The following C4orf50 variants were observed in gnomAD, a reference collection of about 807,000 sequenced individuals.
The protein encoded by C4orf50 is uncharacterized protein C4orf50.
C4orf50 carries 80 observed loss-of-function variants against 77.2 expected under a neutral mutation model. That is an observed-to-expected ratio of 1.04 (90% CI 0.87 to 1.25). The LOEUF is 1.25. C4orf50 is among the 50% of genes most tolerant of loss of function. The pLI, the probability that C4orf50 is intolerant of heterozygous loss-of-function variation, is 0.00. For missense variants in C4orf50, 1,257 were observed against 1,152.9 expected, an observed-to-expected ratio of 1.09 and a Z score of -1.31; for synonymous variants, 532 against 465.3, an observed-to-expected ratio of 1.14 and a Z score of -1.84.
At position 5,905,107 on chromosome 4, in the gene C4orf50, G is replaced by A. The variant is rs981828418; in HGVS notation, c.*2475-6919C>T. 2.6e-5 allele frequency: 4 copies of A among 152,232 alleles called. No individual in the cohort carries two copies. Among genetic ancestry groups the A allele is most frequent in the Non-Finnish European group, 5.9e-5 (4 of 68,054 alleles). The allele number at this position is 152,232 out of a possible 1,614,324, so 9.4% of individuals were successfully genotyped here. On this transcript the variant is annotated intron_variant, in intron 7 of 7. Coordinates refer to the C4orf50 transcript ENST00000324058. This position sits in a 1 kb window ranked among gnomAD's most constrained non-coding sequence, Gnocchi z 5.4. ...ATATGACCCTCAAACAGACGAAGAA[G>A]AGGATGTTGGAAGAAGGTAAGTTAT... is the stretch of plus-strand genomic sequence containing the variant.
Position 5,989,075 on chromosome 4 carries a change from TC to T in C4orf50, c.2970del (p.Glu992AsnfsTer33). The T allele has an allele frequency of 6.5e-7, 1 of 1,536,066 alleles. No homozygotes were observed. Among genetic ancestry groups the T allele is most frequent in the Non-Finnish European group, 8.7e-7 (1 of 1,146,894 alleles). ...GCCTGTAAATATTGATCCAGTTCTT[TC>T]TTTAACTGAGAGATGTCCCCTACCA... On this transcript the variant is annotated frameshift_variant, in exon 28 of 34. Coordinates refer to ENST00000531445, the Ensembl canonical transcript of C4orf50. LOFTEE classifies it high-confidence loss of function.
intron 29 of C4orf50, 123 bp from the exon 8 acceptor site, chr4:5,976,078 T>C: frequency 1.4e-6 from 1 of 735,746 alleles, no homozygotes; most frequent in South Asian, 1.6e-5. Flanking sequence ...TCATGGGGAC[T>C]CAGTGCCAGG....
exon 28 of C4orf50, chr4:5,989,076 C>T: frequency 4.6e-6 from 7 of 1,536,056 alleles, no homozygotes; most frequent in Non-Finnish European, 6.1e-6. Flanking sequence ...CCAGTTCTTT[C>T]TTTAACTGAG....
At chr4:5,993,201 A>T (rs1310719329) in intron 26 of C4orf50, among the ~76,000 whole-genome samples, 1 of 152,098 alleles carries the variant, frequency 6.6e-6, no homozygotes, top group Non-Finnish European at 1.5e-5. Flanking sequence ...ACGGGACAAA[A>T]TCCACCAAAC....
chr4:6,012,161 G>A (rs1229351829), intron 23 of C4orf50, among the ~76,000 whole-genome samples, 193 bp from the exon 2 acceptor site: 1 of 152,160 alleles, frequency 6.6e-6, no homozygotes. Context: ...CTTCAAAGAC[G>A]TTATTTGAAC....
At chr4:5,918,921 C>T (rs534810117) in intron 7 of C4orf50, among the ~76,000 whole-genome samples, 22 of 152,262 alleles carry the variant, frequency 1.4e-4, no homozygotes, top group African/African-American at 4.1e-4. Context: ...TAAAGCATAC[C>T]CCTCCCAGGT....
Position 6,000,400 on chromosome 4 carries a change from G to C in C4orf50, c.964-5924C>G, listed in dbSNP as rs116024040. Among the ~76,000 whole-genome samples the C allele has an allele frequency of 0.02, 3,068 of 152,258 alleles. 109 individuals are homozygous for C. Among genetic ancestry groups the C allele is most frequent in the African/African-American group, 0.068 (2,839 of 41,512 alleles). On this transcript the variant is annotated intron_variant, in intron 25 of 33. Transcript: ENST00000531445. This position sits in a 1 kb window ranked among gnomAD's most constrained non-coding sequence, Gnocchi z 6.0. ...CAACCTGAGAGCTGGTGGCTGGCTA[G>C]CTCTTCACATTTCCCAGTGGCCCTC...
chr4:5,974,527 T>C (rs1404483674), intron 30 of C4orf50, among the ~76,000 whole-genome samples: 1 of 152,166 alleles, frequency 6.6e-6, no homozygotes, highest in Non-Finnish European at 1.5e-5. Context: ...TGTTTCTGAT[T>C]TGACGGCTGA....
intron 33 of C4orf50, among the ~76,000 whole-genome samples, chr4:5,961,115 G>A (rs1479830867): frequency 2.6e-5 from 4 of 152,204 alleles, no homozygotes; most frequent in Non-Finnish European, 5.9e-5. Flanking sequence ...TTATTTTAAC[G>A]TAGTTTAGCT....
intron 7 of C4orf50, among the ~76,000 whole-genome samples, chr4:5,910,615 A>C (rs961869298): frequency 5.9e-5 from 9 of 152,090 alleles, no homozygotes; most frequent in African/African-American, 1.9e-4. Flanking sequence ...TAATCACCCC[A>C]CTCGATCATG....
At chr4:5,978,606 T>C (rs139887573) in intron 29 of C4orf50, among the ~76,000 whole-genome samples, 2 of 152,238 alleles carry the variant, frequency 1.3e-5, no homozygotes, top group Non-Finnish European at 2.9e-5. Flanking sequence ...TTGTGTTGGT[T>C]GAAGACACGG....
At chr4:5,909,236 C>G (rs1165303233) in intron 7 of C4orf50, among the ~76,000 whole-genome samples, 1 of 152,198 alleles carries the variant, frequency 6.6e-6, no homozygotes, top group Non-Finnish European at 1.5e-5. Flanking sequence ...GACCACATGA[C>G]CTCCTTGCAG....
rs189311705 is a variant in C4orf50, at chr4:5,997,920, T to A, written c.964-3444A>T. ...AGGGAGAGGAAAAAAGGGAGATAGT[T>A]CCAGATCAAATCAATTCCCTCTTAT... On this transcript the variant is annotated intron_variant, in intron 25 of 33. Coordinates refer to ENST00000531445, the Ensembl canonical transcript of C4orf50. 5.9e-4 allele frequency among the ~76,000 whole-genome samples: 90 copies of A among 152,318 alleles called. 1 individual carries two copies. The highest frequency in any genetic ancestry group is 1.9e-3 in the African/African-American group (81 of 41,560).
Position 5,965,077 on chromosome 4 carries a change from GC to G in C4orf50, c.4221del (p.Trp1407CysfsTer18), listed in dbSNP as rs1467763487. 1.2e-6 allele frequency: 2 copies of G among 1,613,646 alleles called. No homozygotes were observed. Among genetic ancestry groups the G allele is most frequent in the Admixed American group, 1.7e-5 (1 of 60,006 alleles). On this transcript the variant is annotated frameshift_variant, in exon 33 of 34. Coordinates refer to ENST00000531445, the Ensembl canonical transcript of C4orf50. LOFTEE classifies it high-confidence loss of function. Reference sequence around the variant, plus strand: ...GCTGGCCACTCCGGCTCGGGAATAGGCCAGGACTCTGAAGACAATGAGCTTT... The same window carrying G: ...GCTGGCCACTCCGGCTCGGGAATAGGCAGGACTCTGAAGACAATGAGCTTT...
exon 29 of C4orf50, chr4:5,980,253 C>T (rs1328837783): frequency 6.2e-7 from 1 of 1,612,752 alleles, no homozygotes; most frequent in South Asian, 1.1e-5. Flanking sequence ...CCTGAGCTGG[C>T]ACTGCAGGGT....
At chr4:5,979,884 C>T (rs961397127) in intron 29 of C4orf50, among the ~76,000 whole-genome samples, 6 of 152,240 alleles carry the variant, frequency 3.9e-5, no homozygotes, top group African/African-American at 1.4e-4. Flanking sequence ...GCCTACTTCC[C>T]TCTGACAGAG....
chr4:5,952,454 G>T (rs569837042), downstream of C4orf50, among the ~76,000 whole-genome samples: 2 of 152,312 alleles, frequency 1.3e-5, no homozygotes, highest in African/African-American at 2.4e-5. This position sits in a 1 kb window ranked among gnomAD's most constrained non-coding sequence, Gnocchi z 4.4. Context: ...AGGGCGAAGC[G>T]CATGAGCACT....
intron 25 of C4orf50, among the ~76,000 whole-genome samples, chr4:5,996,996 G>A (rs779011623): frequency 1.3e-5 from 2 of 152,178 alleles, no homozygotes; most frequent in African/African-American, 2.4e-5. Flanking sequence ...AAATGAGAGA[G>A]AAAGAAGGCA....
exon 28 of C4orf50, chr4:5,990,669 C>G: frequency 2.5e-6 from 1 of 399,202 alleles, no homozygotes; most frequent in Non-Finnish European, 4.4e-6. Context: ...ATGTCTGCAC[C>G]AGGAGAAAGG....
Sources: allele counts gnomAD v4.1 joint callset (sites outside exome capture counted in the v4.1 genomes callset), GRCh38; gene constraint gnomAD v4.1.1; non-coding constraint Gnocchi (gnomAD v3.1); transcripts MANE v1.5; gene names NCBI Gene and HGNC (gene_info 2026-07-23, HGNC 2026-07-21).